The following PARN variants were observed in gnomAD, a reference collection of about 807,000 sequenced individuals.
PARN encodes the protein poly(A)-specific ribonuclease PARN.
In PARN, 71 loss-of-function variants were observed where a neutral mutation model predicts 102.8. The observed-to-expected ratio is 0.69, with a 90% CI of 0.57 to 0.84. PARN has a LOEUF of 0.84. PARN is among the 40% of genes least tolerant of loss of function. The probability of loss-of-function intolerance (pLI) is 0.00; values close to 1 mark genes in which losing one functional copy is unlikely to be tolerated. For synonymous variants in PARN, 261 were observed against 252.9 expected, an observed-to-expected ratio of 1.03 and a Z score of -0.30; for missense variants, 782 against 760.9, an observed-to-expected ratio of 1.03 and a Z score of -0.33.
chr16:14,449,125 A>G (rs1402673597), intron 22 of PARN, among the ~76,000 whole-genome samples: 2 of 152,200 alleles, frequency 1.3e-5, no homozygotes, highest in Non-Finnish European at 2.9e-5. Flanking sequence ...GGAACCTGGT[A>G]GCCTCTGAGA....
intron 2 of PARN, 44 bp downstream of exon 2, chr16:14,629,553 T>C (rs755363938): frequency 1.9e-5 from 26 of 1,367,368 alleles, no homozygotes; most frequent in Admixed American, 3.4e-5. Context: ...GAGCCTTGGC[T>C]ATGCACTGCA....
intron 10 of PARN, 51 bp from the exon 11 acceptor site, chr16:14,604,277 T>G (rs1231459026): frequency 1.7e-6 from 2 of 1,193,280 alleles, no homozygotes. Flanking sequence ...TCTTTTTTTT[T>G]GAGACAGAGT....
At chr16:14,622,586 G>A (rs758110308) in intron 5 of PARN, among the ~76,000 whole-genome samples, 33 of 152,344 alleles carry the variant, frequency 2.2e-4, no homozygotes, top group East Asian at 1.9e-4. Context: ...CTCAGTGCAA[G>A]CTCTGCCTCT....
At chr16:14,543,438 A>G (rs1966853573) in intron 21 of PARN, among the ~76,000 whole-genome samples, 1 of 146,410 alleles carries the variant, frequency 6.8e-6, no homozygotes, top group Non-Finnish European at 1.5e-5. Context: ...CTTATTTCTT[A>G]AAATACATAG....
At chr16:14,538,676 T>A (rs1966720180) in intron 21 of PARN, among the ~76,000 whole-genome samples, 1 of 152,162 alleles carries the variant, frequency 6.6e-6, no homozygotes, top group Admixed American at 6.5e-5. Flanking sequence ...CATTCTTAGG[T>A]CCAGCTAACA....
intron 21 of PARN, among the ~76,000 whole-genome samples, chr16:14,505,109 A>G (rs1461961917): frequency 6.6e-6 from 1 of 152,250 alleles, no homozygotes; most frequent in Non-Finnish European, 1.5e-5. Flanking sequence ...ATTACATATC[A>G]CTGTTTAGTA....
intron 21 of PARN, among the ~76,000 whole-genome samples, chr16:14,542,070 T>G (rs1249916044): frequency 8.6e-5 from 13 of 152,034 alleles, no homozygotes; most frequent in Admixed American, 8.5e-4. Flanking sequence ...AGTGGCGTGA[T>G]ATTGGTTCAA....
At chr16:14,597,580 C>T (rs1970600247) in intron 12 of PARN, among the ~76,000 whole-genome samples, 1 of 152,062 alleles carries the variant, frequency 6.6e-6, no homozygotes. Context: ...GCCTGTAGTC[C>T]CAGCTACTCA....
chr16:14,522,742 A>C (rs1965803431), intron 21 of PARN, among the ~76,000 whole-genome samples: 1 of 152,196 alleles, frequency 6.6e-6, no homozygotes, highest in East Asian at 1.9e-4. Context: ...GCCCCCTCCA[A>C]GTGAAGAAGG....
chr16:14,481,753 T>C lies in PARN; in HGVS notation c.1670+885A>G, dbSNP rs1252561275. 2.6e-5 allele frequency among the ~76,000 whole-genome samples: 4 copies of C among 152,228 alleles called. No individual in the cohort carries two copies. The East Asian group carries it at 5.8e-4, about 22-fold the overall frequency. ...AATTTTTTTCTCTTGTTAATTCACA[T>C]TGTTCTAAACTTCACAATTTTCTAT... On this transcript the variant is annotated intron_variant, in intron 22 of 23. Coordinates refer to ENST00000437198, the MANE Select transcript of PARN (RefSeq NM_002582.4).
chr16:14,468,878 A>G lies in PARN; in HGVS notation c.1670+13760T>C, dbSNP rs574253811. ...GCAACACAGCAAGATCCCATTACTAAATAGATAGATAGATAGATAGATAGA... is the reference window on the plus strand; with the variant it reads ...GCAACACAGCAAGATCCCATTACTAGATAGATAGATAGATAGATAGATAGA... On this transcript the variant is annotated intron_variant, in intron 22 of 23. Coordinates refer to ENST00000437198, the MANE Select transcript of PARN (RefSeq NM_002582.4). Among the ~76,000 whole-genome samples the G allele has an allele frequency of 6.9e-3, 961 of 139,714 alleles. 6 individuals carry two copies. Among genetic ancestry groups the G allele is most frequent in the South Asian group, 0.015 (62 of 4,178 alleles). 91.7% of individuals were successfully genotyped at this position (139,714 alleles called of 152,430 possible).
intron 21 of PARN, among the ~76,000 whole-genome samples, chr16:14,533,818 C>T (rs958118833): frequency 3.9e-5 from 6 of 152,226 alleles, no homozygotes; most frequent in Non-Finnish European, 7.3e-5. Context: ...CACTGATGCA[C>T]TGGTTGTCTA....
intron 21 of PARN, among the ~76,000 whole-genome samples, chr16:14,507,034 A>G (rs1964932872): frequency 6.6e-6 from 1 of 152,212 alleles, no homozygotes; most frequent in African/African-American, 2.4e-5. Context: ...GACAATCTAT[A>G]AGAAATTCTG....
At chr16:14,582,313 T>C in intron 16 of PARN, 22 bp from the exon 17 acceptor site, 3 of 1,546,284 alleles carry the variant, frequency 1.9e-6, no homozygotes, top group Non-Finnish European at 2.7e-6. Context: ...AAGGAAAAAG[T>C]TTTCCTCAAA....
intron 21 of PARN, among the ~76,000 whole-genome samples, chr16:14,507,934 T>A (rs545411985): frequency 1.3e-5 from 2 of 152,328 alleles, no homozygotes; most frequent in East Asian, 3.9e-4. Flanking sequence ...TGAGAACATT[T>A]CTCAACTGTT....
rs56118961 is a variant in PARN, at chr16:14,554,434, AT to A, written c.1319-284del. ...GTGCAAATTATTTGTTTATTTTTTA[AT>A]TTTTTTTTTTTTTGAGACAGGGTTT... On this transcript the variant is annotated intron_variant, in intron 19 of 23. Coordinates refer to ENST00000437198, the MANE Select transcript of PARN (RefSeq NM_002582.4). Among the ~76,000 whole-genome samples the A allele has an allele frequency of 0.19, 27,133 of 144,376 alleles. 2,741 individuals are homozygous for A. Among genetic ancestry groups the A allele is most frequent in the Middle Eastern group, 0.28 (77 of 280 alleles). The allele number at this position is 144,376 out of a possible 152,430, so 94.7% of individuals were successfully genotyped here. A position where few individuals can be genotyped will look rare whatever the true frequency, so the allele number is the denominator to read the frequency against.
chr16:14,578,780 AAAT>A (rs1567407606), intron 18 of PARN, among the ~76,000 whole-genome samples: 2 of 152,234 alleles, frequency 1.3e-5, no homozygotes, highest in African/African-American at 4.8e-5. Flanking sequence ...TAGACCAAAA[AAAT>A]AATCACAGAA....
intron 21 of PARN, among the ~76,000 whole-genome samples, chr16:14,511,956 T>C (rs1053490513): frequency 3.3e-5 from 5 of 152,198 alleles, no homozygotes; most frequent in Non-Finnish European, 7.3e-5. Flanking sequence ...CCCAAAGCAC[T>C]GGGATTATAG....
chr16:14,573,832 C>T (rs1175791531), intron 18 of PARN, among the ~76,000 whole-genome samples: 1 of 152,190 alleles, frequency 6.6e-6, no homozygotes, highest in Non-Finnish European at 1.5e-5. Flanking sequence ...GATTGTGAGG[C>T]CTCCCCAGCC....
Sources: gnomAD v4.1 joint callset for allele counts (sites outside exome capture counted in the v4.1 genomes callset) on GRCh38, gnomAD v4.1.1 for gene constraint, MANE v1.5 for transcripts, NCBI Gene and HGNC (gene_info 2026-07-23, HGNC 2026-07-21) for gene names.